MEMO1: variants seen among roughly 807,000 people sequenced by gnomAD.
The protein encoded by MEMO1 is mediator of cell motility 1, also known as protein MEMO1.
Under a neutral mutation model 45.2 loss-of-function variants are expected in MEMO1, and 6 were observed. The observed-to-expected ratio is 0.13, with a 90% confidence interval of 0.07 to 0.26. The LOEUF (loss-of-function observed/expected upper bound fraction) is 0.26. Among genes scored for constraint, MEMO1 ranks in the 10% least tolerant of loss-of-function variants. The pLI, the probability that MEMO1 is intolerant of heterozygous loss-of-function variation, is 1.00. For synonymous variants in MEMO1, 78 were observed against 124.3 expected (o/e 0.63, Z 2.48); for missense variants, 184 against 370.5 (o/e 0.50, Z 4.13).
At chr2:31,922,778 A>C (rs1332878432) in intron 4 of MEMO1, among the ~76,000 whole-genome samples, 4 of 151,828 alleles carry the variant, frequency 2.6e-5, no homozygotes, top group Non-Finnish European at 5.9e-5. Flanking sequence ...CCTCTAGCTC[A>C]ATGTTGCTGC....
intron 8 of MEMO1, among the ~76,000 whole-genome samples, chr2:31,870,208 T>C (rs1673489853): frequency 6.6e-6 from 1 of 152,162 alleles, no homozygotes. Flanking sequence ...TATGTTTCTA[T>C]ACTACTTTAA....
intron 2 of MEMO1, among the ~76,000 whole-genome samples, chr2:31,954,339 T>C (rs772331047): frequency 3.3e-4 from 50 of 152,270 alleles, no homozygotes; most frequent in Non-Finnish European, 5.7e-4. Context: ...ATCCCAGCAT[T>C]TTGGAAGGCC....
At chr2:31,875,038 C>G (rs1036905916) in intron 8 of MEMO1, among the ~76,000 whole-genome samples, 2 of 151,718 alleles carry the variant, frequency 1.3e-5, no homozygotes, top group Non-Finnish European at 2.9e-5. Flanking sequence ...TAAGTTGAAT[C>G]AACAATATAC....
At chr2:31,984,480 G>A (rs1444140169) in intron 2 of MEMO1, among the ~76,000 whole-genome samples, 2 of 152,134 alleles carry the variant, frequency 1.3e-5, no homozygotes, top group East Asian at 3.8e-4. Flanking sequence ...CACTAAACAC[G>A]ATGTGGTAAC....
At chr2:31,973,139 C>T (rs1407887412) in intron 2 of MEMO1, among the ~76,000 whole-genome samples, 1 of 152,126 alleles carries the variant, frequency 6.6e-6, no homozygotes, top group Non-Finnish European at 1.5e-5. Context: ...ACCAATTCCA[C>T]TCTTAGGTAT....
chr2:31,972,429 G>A (rs1305758959), intron 2 of MEMO1, among the ~76,000 whole-genome samples: 1 of 152,282 alleles, frequency 6.6e-6, no homozygotes, highest in Non-Finnish European at 1.5e-5. Context: ...GAATAGTATG[G>A]GCCGAATGCA....
Position 31,967,517 on chromosome 2 carries a change from T to A in MEMO1, c.62-24134A>T, listed in dbSNP as rs146918367. On this transcript the variant is annotated intron_variant, in intron 2 of 9. Coordinates refer to ENST00000404530, the MANE Select transcript of MEMO1 (RefSeq NM_001301833.4). ...GGCCTGGAGTGCAGTGGCATAATTA[T>A]GACTCACTGCAGCCTTGACCTCCGG... Among the ~76,000 whole-genome samples, 180 of 152,228 alleles carry A rather than the reference T, an allele frequency of 1.2e-3. 1 individual carries two copies. The highest frequency in any genetic ancestry group is 4.0e-3 in the African/African-American group (168 of 41,554).
chr2:31,975,504 C>T, intron 2 of MEMO1, among the ~76,000 whole-genome samples: 1 of 152,054 alleles, frequency 6.6e-6, no homozygotes, highest in East Asian at 1.9e-4. Flanking sequence ...GAGGTGCCAC[C>T]CAGATCTCAA....
At chr2:31,941,453 C>A (rs1394275826) in intron 3 of MEMO1, among the ~76,000 whole-genome samples, 3 of 152,138 alleles carry the variant, frequency 2.0e-5, no homozygotes, top group African/African-American at 4.8e-5. Flanking sequence ...CTTTATTTTT[C>A]TTCTTAGCAC....
intron 2 of MEMO1, among the ~76,000 whole-genome samples, chr2:32,002,184 T>TACACACACACACACACACAC (rs1468566168): frequency 5.1e-5 from 6 of 116,972 alleles, no homozygotes; most frequent in African/African-American, 2.0e-4. Context: ...TATATATATA[T>TACACACACACACACACACAC]ATACACACAC....
At chr2:31,967,413 C>T (rs565394842) in intron 2 of MEMO1, among the ~76,000 whole-genome samples, 397 of 152,260 alleles carry the variant, frequency 2.6e-3, no homozygotes, top group Middle Eastern at 6.8e-3. Flanking sequence ...CGTGAGCCAC[C>T]GCGCCCGGCC....
chr2:31,907,616 G>A lies in MEMO1; in HGVS notation c.437+10310C>T, dbSNP rs961601565. Among the ~76,000 whole-genome samples the A allele has an allele frequency of 7.2e-5, 11 of 152,098 alleles. No individual in the cohort carries two copies. The East Asian group carries it at 1.4e-3, about 19-fold the overall frequency. On this transcript the variant is annotated intron_variant, in intron 6 of 9. Transcript: ENST00000404530. ...TCAAGATCAGCCTGGGCAACATGGCGAAACCCCCTCTACAAAAAATACAAA... is the reference window on the plus strand; with the variant it reads ...TCAAGATCAGCCTGGGCAACATGGCAAAACCCCCTCTACAAAAAATACAAA...
At chr2:32,005,778 T>C (rs1406443174) in intron 2 of MEMO1, among the ~76,000 whole-genome samples, 1 of 152,230 alleles carries the variant, frequency 6.6e-6, no homozygotes, top group East Asian at 1.9e-4. Context: ...AACATTCAGT[T>C]AAATACTTAT....
At chr2:31,931,997 C>T in intron 4 of MEMO1, 70 bp downstream of exon 4, 2 of 1,364,582 alleles carry the variant, frequency 1.5e-6, no homozygotes, top group Non-Finnish European at 1.0e-6. Flanking sequence ...GTATAAAAAG[C>T]AAATTACTTC....
chr2:31,902,514 AGCT>A (rs1274954401), intron 6 of MEMO1, among the ~76,000 whole-genome samples: 1 of 152,160 alleles, frequency 6.6e-6, no homozygotes, highest in Non-Finnish European at 1.5e-5. Flanking sequence ...GCCACTCACA[AGCT>A]GCTACCTACA....
intron 4 of MEMO1, among the ~76,000 whole-genome samples, chr2:31,924,362 T>A (rs1682768827): frequency 6.6e-6 from 1 of 152,100 alleles, no homozygotes; most frequent in Non-Finnish European, 1.5e-5. Context: ...AATGCCACTT[T>A]CTCTTCCTTT....
At chr2:31,885,058 A>G (rs1055705995) in intron 7 of MEMO1, among the ~76,000 whole-genome samples, 5 of 152,196 alleles carry the variant, frequency 3.3e-5, no homozygotes, top group African/African-American at 9.6e-5. Context: ...AAGAATGTAT[A>G]TATTAATACT....
rs1444377900 is a variant in MEMO1, at chr2:31,928,419, C to T, written c.212+3648G>A. 1.4e-4 allele frequency among the ~76,000 whole-genome samples: 22 copies of T among 152,110 alleles called. 1 individual carries two copies. The South Asian group carries it at 2.5e-3, about 17-fold the overall frequency. ...TTAGCCAGGCCTGCCTGGTGGCATA[C>T]GCTTGTAATCCCAGCTACTTGGGAG... On this transcript the variant is annotated intron_variant, in intron 4 of 9. Coordinates refer to ENST00000404530, the MANE Select transcript of MEMO1 (RefSeq NM_001301833.4).
intron 3 of MEMO1, among the ~76,000 whole-genome samples, chr2:31,938,699 A>G (rs532726245): frequency 2.6e-5 from 4 of 152,228 alleles, no homozygotes; most frequent in Admixed American, 2.0e-4. Flanking sequence ...CTAGAGAGCT[A>G]ACATTTATAA....
Sources: allele counts gnomAD v4.1 joint callset (sites outside exome capture counted in the v4.1 genomes callset), GRCh38; gene constraint gnomAD v4.1.1; transcripts MANE v1.5; gene names NCBI Gene and HGNC (gene_info 2026-07-23, HGNC 2026-07-21).